POLR1A: variants seen among roughly 807,000 people sequenced by gnomAD.
POLR1A encodes DNA-directed RNA polymerase I subunit RPA1.
In POLR1A, 84 loss-of-function variants were observed where a neutral mutation model predicts 205.3. The observed-to-expected ratio is 0.41, with a 90% CI of 0.34 to 0.49. The LOEUF (loss-of-function observed/expected upper bound fraction) is 0.49. Ranked by LOEUF, POLR1A falls within the 20% of genes least tolerant of loss-of-function variation. POLR1A has a pLI of 0.22. For synonymous variants in POLR1A, 799 were observed against 863.7 expected, an observed-to-expected ratio of 0.93 and a Z score of 1.31; for missense variants, 1,645 against 2,204.5, an observed-to-expected ratio of 0.75 and a Z score of 5.08.
At chr2:86,101,540 C>T (rs937814273) in intron 1 of POLR1A, among the ~76,000 whole-genome samples, 1 of 152,196 alleles carries the variant, frequency 6.6e-6, no homozygotes, top group African/African-American at 2.4e-5. Flanking sequence ...AAAAGTTGTG[C>T]GTGTGGTCTC....
At chr2:86,038,351 G>A (rs1384985502) in intron 27 of POLR1A, among the ~76,000 whole-genome samples, 5 of 152,132 alleles carry the variant, frequency 3.3e-5, no homozygotes, top group Non-Finnish European at 7.4e-5. Flanking sequence ...GTGCTGCTCC[G>A]ACACCACAGA....
chr2:86,098,793 T>C lies in POLR1A; in HGVS notation c.283-33A>G, dbSNP rs774915550. On this transcript the variant is annotated intron_variant, in intron 2 of 33. Coordinates refer to ENST00000263857, the MANE Select transcript of POLR1A (RefSeq NM_015425.6). ...GAGGGAATAAAAACAAACAGGATAT[T>C]AGAAAGAGACACAGTAGCCATGGTG... 12 of 1,608,702 alleles carry C rather than the reference T, an allele frequency of 7.5e-6. No individual in the cohort carries two copies. The South Asian group carries it at 1.2e-4, about 16-fold the overall frequency.
rs1673405195 is a variant in POLR1A at position 86,081,689 on chromosome 2, G to C, written c.835C>G (p.Leu279Val). ...WKNEGFFLNYLFSGMDDDGME... is the reference protein window; with the variant it reads ...WKNEGFFLNYVFSGMDDDGME... ...CCATCATCATCCATTCCCGAAAAAA[G>C]GTAGTTCAGAAAGAATCCTGCGTTG... Residue 279 changes from leucine (L) to valine (V), a missense_variant, in exon 8 of 34, where the codon CTT becomes GTT. This residue lies in a region of POLR1A where 330 missense variants were observed against 375.6 expected (regional missense o/e 0.88). Coordinates refer to ENST00000263857, the MANE Select transcript of POLR1A (RefSeq NM_015425.6). The C allele has an allele frequency of 3.1e-6, 5 of 1,609,252 alleles. No individual in the cohort carries two copies. Among genetic ancestry groups the C allele is most frequent in the Non-Finnish European group, 4.2e-6 (5 of 1,176,848 alleles).
chr2:86,030,794 A>C (rs1262464824), intron 30 of POLR1A, among the ~76,000 whole-genome samples: 2 of 152,224 alleles, frequency 1.3e-5, no homozygotes, highest in Admixed American at 1.3e-4. Context: ...GACAAAGCGT[A>C]AGTGTGTGCA....
intron 30 of POLR1A, 47 bp from the exon 31 acceptor site, chr2:86,030,443 C>G: frequency 7.3e-7 from 1 of 1,362,620 alleles, no homozygotes; most frequent in Non-Finnish European, 1.0e-6. Flanking sequence ...ACTCCAGTCC[C>G]CACAAAGAGG....
rs552587072 is a variant in POLR1A at position 86,065,116 on chromosome 2, C to G, written c.2058+158G>C. ...TTGCTAGACACTCCCTTGAAGCCACCCAGACTCAGGAACCCCAAACAAAGG... is the reference window on the plus strand; with the variant it reads ...TTGCTAGACACTCCCTTGAAGCCACGCAGACTCAGGAACCCCAAACAAAGG... On this transcript the variant is annotated intron_variant, in intron 14 of 33. Coordinates refer to ENST00000263857, the MANE Select transcript of POLR1A (RefSeq NM_015425.6). Among the ~76,000 whole-genome samples, 10 of 152,190 alleles carry G rather than the reference C, an allele frequency of 6.6e-5. No homozygotes were observed. In the South Asian group the frequency reaches 2.1e-3, roughly 32 times the overall value.
chr2:86,048,775 G>A (rs1175018112), intron 18 of POLR1A, 109 bp downstream of exon 18: 5 of 991,244 alleles, frequency 5.0e-6, no homozygotes, highest in Non-Finnish European at 6.1e-6. Context: ...CTAGTCAGCT[G>A]TTCAACAGCC....
intron 16 of POLR1A, among the ~76,000 whole-genome samples, chr2:86,051,555 TCCA>T (rs1230607340): frequency 6.6e-6 from 1 of 152,224 alleles, no homozygotes; most frequent in South Asian, 2.1e-4. Flanking sequence ...GAGCCTTACT[TCCA>T]CCATGAACCA....
intron 16 of POLR1A, 88 bp from the exon 17 acceptor site, chr2:86,049,330 C>T: frequency 1.2e-6 from 1 of 862,058 alleles, no homozygotes; most frequent in Non-Finnish European, 2.0e-6. Flanking sequence ...AGCACAGAGT[C>T]CAGTGCCACA....
chr2:86,079,275 C>T (rs1159048755), intron 9 of POLR1A, among the ~76,000 whole-genome samples: 2 of 152,170 alleles, frequency 1.3e-5, no homozygotes, highest in African/African-American at 4.8e-5. Flanking sequence ...GATACGATCA[C>T]CTGCATGATG....
rs200582751 is a variant in POLR1A at position 86,049,169 on chromosome 2, G to C, written c.2466C>G (p.Cys822Trp). ...CGAAGTCCCTCCTTACCTGGGGCCCGCAGTGGGTGGATTCTTCAATGATAC... is the reference window on the plus strand; with the variant it reads ...CGAAGTCCCTCCTTACCTGGGGCCCCCAGTGGGTGGATTCTTCAATGATAC... The part of the protein sequence containing the change: ...RQRIIEESTH[C>W]GPQAVRAALN... The change falls in exon 17 of 34, where the codon TGC becomes TGG. Residue 822 changes from cysteine to tryptophan, a missense_variant. Coordinates refer to ENST00000263857, the MANE Select transcript of POLR1A (RefSeq NM_015425.6). The C allele has an allele frequency of 1.2e-6, 2 of 1,613,046 alleles. No homozygotes were observed. The highest frequency in any genetic ancestry group is 1.1e-5 in the South Asian group (1 of 91,062).
At chr2:86,084,126 C>G (rs1467389424) in intron 6 of POLR1A, among the ~76,000 whole-genome samples, 1 of 152,150 alleles carries the variant, frequency 6.6e-6, no homozygotes, top group Non-Finnish European at 1.5e-5. Context: ...ATTAGCCGGG[C>G]ATGGTGGTGG....
At chr2:86,067,539 C>T (rs311567) in intron 13 of POLR1A, among the ~76,000 whole-genome samples, 127,294 of 152,168 alleles carry the variant, frequency 0.84, 53,897 homozygotes, top group Non-Finnish European at 0.9. Flanking sequence ...AGTAAAAAGA[C>T]GCCACAAAAC....
chr2:86,033,670 C>T lies in POLR1A; in HGVS notation c.4152G>A (p.Gly1384=), dbSNP rs1281862941. The T allele has an allele frequency of 4.3e-6, 7 of 1,613,322 alleles. No homozygotes were observed. The East Asian group carries it at 1.6e-4, about 36-fold the overall frequency. ...CCGGGGACTCACTCACCCGACTCCT[C>T]CCCAACTCCCCAGCGTTGTCCAGAT... ...QRDLDNAGEL[G]RSRGEQEGDE... The change falls in exon 28 of 34, where the codon GGG becomes GGA. Residue 1384 remains glycine, a synonymous_variant. Coordinates refer to ENST00000263857, the MANE Select transcript of POLR1A (RefSeq NM_015425.6).
At chr2:86,080,407 C>T (rs1326409534) in intron 9 of POLR1A, among the ~76,000 whole-genome samples, 2 of 152,200 alleles carry the variant, frequency 1.3e-5, no homozygotes, top group Non-Finnish European at 2.9e-5. Flanking sequence ...AACATGAGCT[C>T]TAGTACTGTG....
chr2:86,038,905 G>A (rs775131260), intron 26 of POLR1A, 48 bp from the exon 27 acceptor site: 1 of 1,581,732 alleles, frequency 6.3e-7, no homozygotes, highest in Admixed American at 1.7e-5. Context: ...GGTCCTAGGT[G>A]ACTGCGCAAT....
intron 14 of POLR1A, among the ~76,000 whole-genome samples, chr2:86,064,220 T>G (rs1673048454): frequency 6.6e-6 from 1 of 152,094 alleles, no homozygotes; most frequent in African/African-American, 2.4e-5. Flanking sequence ...CAAGAATTTG[T>G]TTGTGGGTTA....
chr2:86,053,083 C>T, intron 15 of POLR1A, 83 bp from the exon 16 acceptor site: 1 of 1,062,212 alleles, frequency 9.4e-7, no homozygotes, highest in Non-Finnish European at 1.3e-6. Context: ...ATGTGTGACC[C>T]TCGTTGTGCA....
intron 8 of POLR1A, 62 bp from the exon 9 acceptor site, chr2:86,081,040 C>G: frequency 3.4e-6 from 5 of 1,470,930 alleles, no homozygotes; most frequent in Non-Finnish European, 4.7e-6. Flanking sequence ...TGTTCTTCAG[C>G]CTCTCACCCA....
Sources: allele counts gnomAD v4.1 joint callset (sites outside exome capture counted in the v4.1 genomes callset), GRCh38; gene constraint gnomAD v4.1.1; regional missense constraint gnomAD v4.1.1; transcripts MANE v1.5; gene names NCBI Gene and HGNC (gene_info 2026-07-23, HGNC 2026-07-21).